The following COL6A6 variants were observed in gnomAD, a reference collection of about 807,000 sequenced individuals.
The protein encoded by COL6A6 is collagen alpha-6(VI) chain.
A neutral mutation model predicts 208.6 loss-of-function variants in COL6A6; 183 were observed. That is an observed-to-expected ratio of 0.88 (90% confidence interval 0.78 to 0.99). The LOEUF is 0.99. Among genes scored for constraint, COL6A6 ranks in the 50% least tolerant of loss-of-function variants. The pLI, the probability that COL6A6 is intolerant of heterozygous loss-of-function variation, is 0.00. For synonymous variants in COL6A6, 973 were observed against 1,011.8 expected (o/e 0.96, Z 0.73); for missense variants, 2,816 against 2,815.2 (o/e 1.00, Z -0.01).
chr3:130,664,084 G>C (rs1259114856), intron 35 of COL6A6, among the ~76,000 whole-genome samples: 1 of 152,154 alleles, frequency 6.6e-6, no homozygotes, highest in African/African-American at 2.4e-5. Flanking sequence ...CTGGTCTTCT[G>C]GTCTAGCTCC....
chr3:130,647,233 C>T (rs2065487107), intron 32 of COL6A6, among the ~76,000 whole-genome samples: 2 of 152,136 alleles, frequency 1.3e-5, no homozygotes, highest in Admixed American at 6.5e-5. Context: ...TGGCAGCTTG[C>T]TTGGTTTTTA....
At chr3:130,619,228 C>CG (rs1351324389) in intron 23 of COL6A6, among the ~76,000 whole-genome samples, 3 of 152,160 alleles carry the variant, frequency 2.0e-5, no homozygotes, top group South Asian at 4.2e-4. Context: ...GTAGAGGAAT[C>CG]GGGGGGACAA....
chr3:130,611,983 T>A (rs574997020), intron 23 of COL6A6, among the ~76,000 whole-genome samples: 1 of 152,306 alleles, frequency 6.6e-6, no homozygotes, highest in South Asian at 2.1e-4. Flanking sequence ...CCTCTTTGTG[T>A]CCATGTGTTC....
At chr3:130,518,092 C>CT (rs1217731547) in intron 1 of COL6A6, among the ~76,000 whole-genome samples, 4 of 152,206 alleles carry the variant, frequency 2.6e-5, no homozygotes, top group East Asian at 1.9e-4. Context: ...ATTTTCTTTT[C>CT]TTTTTTGTCC....
At chr3:130,666,470 T>C (rs923684133) in intron 36 of COL6A6, among the ~76,000 whole-genome samples, 3 of 152,168 alleles carry the variant, frequency 2.0e-5, no homozygotes, top group East Asian at 1.9e-4. Flanking sequence ...AATGAATATA[T>C]GTGTACATTA....
chr3:130,639,444 G>C (rs906103070), intron 28 of COL6A6, among the ~76,000 whole-genome samples: 1 of 152,140 alleles, frequency 6.6e-6, no homozygotes, highest in African/African-American at 2.4e-5. Flanking sequence ...TATCATCCCA[G>C]CACTCTGGGA....
intron 18 of COL6A6, among the ~76,000 whole-genome samples, chr3:130,598,062 G>A (rs181685517): frequency 6.6e-6 from 1 of 152,274 alleles, no homozygotes; most frequent in East Asian, 1.9e-4. Context: ...ATTTCCTCCA[G>A]ACCCAGGGTA....
intron 33 of COL6A6, among the ~76,000 whole-genome samples, chr3:130,655,749 G>T (rs895839595): frequency 6.6e-6 from 1 of 152,204 alleles, no homozygotes. Context: ...TGGGATCTTT[G>T]GGGTGTTGCT....
At chr3:130,651,587 T>C (rs148421838) in intron 33 of COL6A6, among the ~76,000 whole-genome samples, 184 of 152,264 alleles carry the variant, frequency 1.2e-3, no homozygotes, top group African/African-American at 4.1e-3. Context: ...CTTAGAATTA[T>C]GCAAATGAAA....
At chr3:130,581,357 GA>G (rs2063415769) in intron 8 of COL6A6, among the ~76,000 whole-genome samples, 1 of 152,210 alleles carries the variant, frequency 6.6e-6, no homozygotes, top group South Asian at 2.1e-4. Context: ...TATATGACCT[GA>G]AAAAATAATA....
chr3:130,602,286 G>A (rs2064046817), intron 20 of COL6A6, among the ~76,000 whole-genome samples: 1 of 152,186 alleles, frequency 6.6e-6, no homozygotes, highest in Non-Finnish European at 1.5e-5. Context: ...CAACATATCT[G>A]TGTCAAAGCC....
At chr3:130,539,258 G>C (rs1441448436) in intron 1 of COL6A6, among the ~76,000 whole-genome samples, 1 of 152,206 alleles carries the variant, frequency 6.6e-6, no homozygotes, top group South Asian at 2.1e-4. Flanking sequence ...AATGTGGAAT[G>C]GGCAGCACTA....
At chr3:130,560,177 C>T (rs143811006) in intron 1 of COL6A6, among the ~76,000 whole-genome samples, 157 bp from the exon 2 acceptor site, 26 of 152,304 alleles carry the variant, frequency 1.7e-4, no homozygotes, top group African/African-American at 6.0e-4. Context: ...GGATTGTTTT[C>T]TCTAAGGCAT....
chr3:130,521,008 T>G (rs776890770), intron 1 of COL6A6, among the ~76,000 whole-genome samples: 4 of 152,198 alleles, frequency 2.6e-5, no homozygotes, highest in Non-Finnish European at 5.9e-5. Context: ...ACAAACCAAC[T>G]TAGTCTTGCA....
intron 24 of COL6A6, among the ~76,000 whole-genome samples, chr3:130,623,184 A>G (rs1270720427): frequency 6.6e-6 from 1 of 151,940 alleles, no homozygotes; most frequent in Non-Finnish European, 1.5e-5. Context: ...TAGGCTGTGC[A>G]TGGTGGCTCA....
chr3:130,675,081 C>G, intron 36 of COL6A6, 121 bp from the exon 37 acceptor site: 1 of 642,072 alleles, frequency 1.6e-6, no homozygotes, highest in Non-Finnish European at 2.5e-6. Flanking sequence ...TAAAATTACC[C>G]TGGAGGAAGG....
At chr3:130,552,653 A>G (rs2062670700) in intron 1 of COL6A6, among the ~76,000 whole-genome samples, 1 of 152,164 alleles carries the variant, frequency 6.6e-6, no homozygotes, top group Non-Finnish European at 1.5e-5. Context: ...ATTCAAGATT[A>G]GTATTCATAT....
At chr3:130,529,538 G>C (rs2062035585) in intron 1 of COL6A6, among the ~76,000 whole-genome samples, 1 of 152,128 alleles carries the variant, frequency 6.6e-6, no homozygotes, top group African/African-American at 2.4e-5. Context: ...AAGCTCTTCT[G>C]TCCCCTCTGG....
chr3:130,570,074 G>T (rs913990418), intron 6 of COL6A6, among the ~76,000 whole-genome samples: 1 of 152,160 alleles, frequency 6.6e-6, no homozygotes, highest in African/African-American at 2.4e-5. Flanking sequence ...CTCCAGAATG[G>T]ATGAGTTAGT....
Sources: gnomAD v4.1 joint callset for allele counts (sites outside exome capture counted in the v4.1 genomes callset) on GRCh38, gnomAD v4.1.1 for gene constraint, MANE v1.5 for transcripts, NCBI Gene and HGNC (gene_info 2026-07-23, HGNC 2026-07-21) for gene names.